ZNHIT6: variants seen among roughly 807,000 people sequenced by gnomAD.
The protein encoded by ZNHIT6 is zinc finger HIT-type containing 6, also known as box C/D snoRNA protein 1.
A neutral mutation model predicts 57.2 loss-of-function variants in ZNHIT6; 45 were observed. The observed-to-expected ratio is 0.79, with a 90% CI of 0.62 to 1.01. ZNHIT6 has a LOEUF of 1.01. Ranked by LOEUF, ZNHIT6 falls within the 50% of genes least tolerant of loss-of-function variation. The probability of loss-of-function intolerance (pLI) is 0.00; values close to 1 mark genes in which losing one functional copy is unlikely to be tolerated. For missense variants in ZNHIT6, 528 were observed against 567.3 expected, an observed-to-expected ratio of 0.93 and a Z score of 0.70; for synonymous variants, 188 against 190.0, an observed-to-expected ratio of 0.99 and a Z score of 0.09.
intron 8 of ZNHIT6, among the ~76,000 whole-genome samples, chr1:85,674,317 C>T (rs1481018266): frequency 2.9e-4 from 43 of 149,612 alleles, no homozygotes; most frequent in Admixed American, 2.5e-3. Flanking sequence ...TTTTTTTTTT[C>T]GGAGACGAGG....
In ZNHIT6 at chr1:85,687,281, C is replaced by CAAAAAAAAAAAAAAAAAA. The variant is rs371192859; in HGVS notation, c.1020-6378_1020-6377insTTTTTTTTTTTTTTTTTT. Reference sequence around the variant, plus strand: ...GGTGACAAGAGTGAGAAGACTATCTCAAAAAACAAAAAAAAAACAAAAAAA... The same window carrying CAAAAAAAAAAAAAAAAAA: ...GGTGACAAGAGTGAGAAGACTATCTCAAAAAAAAAAAAAAAAAAAAAAAACAAAAAAAAAACAAAAAAA... On this transcript the variant is annotated intron_variant, in intron 5 of 9. Coordinates refer to ENST00000370574, the MANE Select transcript of ZNHIT6 (RefSeq NM_017953.4). Among the ~76,000 whole-genome samples, 72 of 33,582 alleles carry CAAAAAAAAAAAAAAAAAA rather than the reference C, an allele frequency of 2.1e-3. 24 individuals are homozygous for CAAAAAAAAAAAAAAAAAA. The highest frequency in any genetic ancestry group is 6.0e-3 in the South Asian group (3 of 502). 22.0% of individuals were successfully genotyped at this position (33,582 alleles called of 152,430 possible). A position where few individuals can be genotyped will look rare whatever the true frequency, so the allele number is the denominator to read the frequency against.
rs1257227766 is a variant in ZNHIT6 at position 85,652,460 on chromosome 1, A to G, written c.*1598T>C. The stretch of plus-strand genomic sequence containing the variant: ...GAAGATTCCTGATGTTGCTTTAGAG[A>G]TTATAAATATATATGTATGTATGTT... On this transcript the variant is annotated 3_prime_UTR_variant, in exon 10 of 10. Transcript: ENST00000370574. The G allele has an allele frequency of 6.6e-6, 1 of 152,158 alleles. No homozygotes were observed. The highest frequency in any genetic ancestry group is 2.1e-4 in the South Asian group (1 of 4,830). 9.4% of individuals were successfully genotyped at this position (152,158 alleles called of 1,614,324 possible).
In ZNHIT6 at chr1:85,682,545, G is replaced by A. The variant is rs980633039; in HGVS notation, c.1020-1641C>T. Among the ~76,000 whole-genome samples, 10 of 152,158 alleles carry A rather than the reference G, an allele frequency of 6.6e-5. No individual in the cohort carries two copies. The South Asian group carries it at 2.1e-3, about 32-fold the overall frequency. ...AAGCACTTAACATTCCAAACACAGA[G>A]AGAAAAGCCCTCGGAAATCATTTTA... On this transcript the variant is annotated intron_variant, in intron 5 of 9. Coordinates refer to ENST00000370574, the MANE Select transcript of ZNHIT6 (RefSeq NM_017953.4).
chr1:85,694,704 C>A (rs377713931), intron 5 of ZNHIT6, among the ~76,000 whole-genome samples: 147 of 152,334 alleles, frequency 9.6e-4, no homozygotes, highest in African/African-American at 3.5e-3. Context: ...TCGTGATCCG[C>A]CCGCCTTGGC....
In ZNHIT6 at chr1:85,706,286, A is replaced by C; in HGVS notation, c.792T>G (p.Ile264Met). Reference sequence around the variant, plus strand: ...TCATTTCAGTAAACTGTTGTATTGAAATGTATGCAGTTTTATCTCGAACTC... The same window carrying C: ...TCATTTCAGTAAACTGTTGTATTGACATGTATGCAGTTTTATCTCGAACTC... ...CNGVRDKTAY[I>M]SIQQFTEMNL... Residue 264 changes from isoleucine to methionine, a missense_variant, in exon 3 of 10, where the codon ATT becomes ATG. Transcript: ENST00000370574. The C allele has an allele frequency of 1.2e-6, 2 of 1,612,582 alleles. No homozygotes were observed. The highest frequency in any genetic ancestry group is 1.7e-6 in the Non-Finnish European group (2 of 1,179,056).
At chr1:85,700,026 G>C (rs1662484665) in intron 5 of ZNHIT6, among the ~76,000 whole-genome samples, 1 of 151,968 alleles carries the variant, frequency 6.6e-6, no homozygotes, top group South Asian at 2.1e-4. Flanking sequence ...ACTTTATATA[G>C]TTTTAAGTAT....
intron 4 of ZNHIT6, among the ~76,000 whole-genome samples, chr1:85,705,471 C>T (rs1452396521): frequency 1.3e-5 from 2 of 152,148 alleles, no homozygotes; most frequent in Non-Finnish European, 2.9e-5. Context: ...TGGCCTCAGC[C>T]TCCCAAAGTG....
At position 85,687,300 on chromosome 1, in the gene ZNHIT6, A is replaced by AAAAAAC. The variant is rs60562561; in HGVS notation, c.1020-6397_1020-6396insGTTTTT. Among the ~76,000 whole-genome samples the AAAAAAC allele has an allele frequency of 5.1e-4, 67 of 130,256 alleles. 3 individuals carry two copies. In the East Asian group the frequency reaches 0.017, roughly 33 times the overall value. 85.5% of individuals were successfully genotyped at this position (130,256 alleles called of 152,430 possible). A position where few individuals can be genotyped will look rare whatever the true frequency, so the allele number is the denominator to read the frequency against. On this transcript the variant is annotated intron_variant, in intron 5 of 9. Transcript: ENST00000370574. ...CTATCTCAAAAAACAAAAAAAAAAC[A>AAAAAAC]AAAAAAAAAAACAATTTAGAACCCA...
intron 8 of ZNHIT6, among the ~76,000 whole-genome samples, chr1:85,666,056 A>C (rs576042441): frequency 7.2e-5 from 11 of 152,290 alleles, no homozygotes; most frequent in African/African-American, 2.6e-4. Context: ...CATTCAACAA[A>C]TATTTACTGA....
chr1:85,682,548 A>C lies in ZNHIT6; in HGVS notation c.1020-1644T>G, dbSNP rs926340928. 2.6e-5 allele frequency among the ~76,000 whole-genome samples: 4 copies of C among 152,302 alleles called. No homozygotes were observed. In the East Asian group the frequency reaches 7.7e-4, roughly 29 times the overall value. ...CACTTAACATTCCAAACACAGAGAG[A>C]AAAGCCCTCGGAAATCATTTTATTT... On this transcript the variant is annotated intron_variant, in intron 5 of 9. Transcript: ENST00000370574.
intron 5 of ZNHIT6, among the ~76,000 whole-genome samples, chr1:85,692,411 C>T (rs1662245906): frequency 1.3e-5 from 2 of 152,174 alleles, no homozygotes; most frequent in South Asian, 4.1e-4. Context: ...TAAGTAGAGG[C>T]CCAATTGGGG....
chr1:85,660,388 A>C (rs1260722377), intron 8 of ZNHIT6, among the ~76,000 whole-genome samples: 2 of 152,188 alleles, frequency 1.3e-5, no homozygotes, highest in Admixed American at 1.3e-4. Context: ...AGTTTTTGGT[A>C]AATAATTTTC....
chr1:85,672,692 TG>T (rs1384675195), intron 8 of ZNHIT6, among the ~76,000 whole-genome samples: 1 of 152,116 alleles, frequency 6.6e-6, no homozygotes. Context: ...TATTCATTCT[TG>T]TATAAACTCC....
Position 85,653,817 on chromosome 1 carries a change from C to CTAA in ZNHIT6, c.*238_*240dup. 1 of 396,314 alleles carries CTAA rather than the reference C, an allele frequency of 2.5e-6. No homozygotes were observed. The highest frequency in any genetic ancestry group is 4.4e-6 in the Non-Finnish European group (1 of 225,438). The allele number at this position is 396,314 out of a possible 1,614,324, so 24.5% of individuals were successfully genotyped here. ...ATTAAGCATATTAAAAAGCCAGGGC[C>CTAA]TAATAAGTACTATGCTGATCAAGTG... On this transcript the variant is annotated 3_prime_UTR_variant, in exon 10 of 10. Transcript: ENST00000370574.
chr1:85,688,242 C>G (rs547173745), intron 5 of ZNHIT6, among the ~76,000 whole-genome samples: 2 of 152,052 alleles, frequency 1.3e-5, no homozygotes, highest in Non-Finnish European at 2.9e-5. Flanking sequence ...TTTCATTTTA[C>G]AGATGAAAAC....
chr1:85,677,248 T>G lies in ZNHIT6; in HGVS notation c.1235A>C (p.Gln412Pro). The G allele has an allele frequency of 6.2e-7, 1 of 1,603,970 alleles. No individual in the cohort carries two copies. The highest frequency in any genetic ancestry group is 8.5e-7 in the Non-Finnish European group (1 of 1,177,030). ...GGAGCAATTTTACCTTACTAAATTT[T>G]GCTGCATATATTCAATCTTCATTAA... ...QILMKIEYMQQNLVRYYELDP... is the reference protein window; with the variant it reads ...QILMKIEYMQPNLVRYYELDP... The change falls in exon 8 of 10, where the codon CAA becomes CCA. Residue 412 changes from glutamine to proline, a missense_variant. Gln to Pro is a moderately conservative substitution (Grantham distance 76, BLOSUM62 -1). Coordinates refer to ENST00000370574, the MANE Select transcript of ZNHIT6 (RefSeq NM_017953.4).
intron 8 of ZNHIT6, among the ~76,000 whole-genome samples, chr1:85,676,495 G>A (rs1046110382): frequency 2.6e-5 from 4 of 152,138 alleles, no homozygotes; most frequent in African/African-American, 9.7e-5. Flanking sequence ...CTTTCAACAT[G>A]CCTTCCTCAC....
At position 85,706,262 on chromosome 1, in the gene ZNHIT6, C is replaced by G. The variant is rs149029164; in HGVS notation, c.816G>C (p.Met272Ile). Residue 272 changes from methionine to isoleucine, a missense_variant, in exon 3 of 10, where the codon ATG (methionine) becomes ATC (isoleucine). Coordinates refer to ENST00000370574, the MANE Select transcript of ZNHIT6 (RefSeq NM_017953.4). ...AAAGTGGCTTACCACTTAGGAGATTCATTTCAGTAAACTGTTGTATTGAAA... is the reference window on the plus strand; with the variant it reads ...AAAGTGGCTTACCACTTAGGAGATTGATTTCAGTAAACTGTTGTATTGAAA... Reference protein sequence around the residue: ...AYISIQQFTEMNLLSDYRFLE... With the variant: ...AYISIQQFTEINLLSDYRFLE... 1.6e-5 allele frequency: 26 copies of G among 1,611,148 alleles called. No homozygotes were observed. The highest frequency in any genetic ancestry group is 4.5e-5 in the East Asian group (2 of 44,800).
intron 8 of ZNHIT6, among the ~76,000 whole-genome samples, chr1:85,672,795 C>CAA (rs11344429): frequency 3.7e-5 from 5 of 133,762 alleles, no homozygotes; most frequent in East Asian, 2.1e-4. Context: ...GCTTAAATCA[C>CAA]AAAAAAAAAA....
Sources: gnomAD v4.1 joint callset for allele counts (sites outside exome capture counted in the v4.1 genomes callset) on GRCh38, gnomAD v4.1.1 for gene constraint, MANE v1.5 for transcripts, NCBI Gene and HGNC (gene_info 2026-07-23, HGNC 2026-07-21) for gene names.